The following ANKFY1 variants were observed in gnomAD, a reference collection of about 807,000 sequenced individuals.
ANKFY1 encodes ankyrin repeat and FYVE domain containing 1, also known as ankyrin repeat and FYVE domain-containing protein 1.
In ANKFY1, 47 loss-of-function variants were observed where a neutral mutation model predicts 128.3. The observed-to-expected ratio is 0.37, with a 90% CI of 0.29 to 0.47. The LOEUF (loss-of-function observed/expected upper bound fraction) is 0.47. Ranked by LOEUF, ANKFY1 falls within the 20% of genes least tolerant of loss-of-function variation. The pLI is 1.00. For synonymous variants in ANKFY1, 553 were observed against 601.6 expected (o/e 0.92, Z 1.18); for missense variants, 1,222 against 1,510.6 (o/e 0.81, Z 3.17).
intron 10 of ANKFY1, among the ~76,000 whole-genome samples, chr17:4,192,958 C>G (rs1030244120): frequency 6.6e-6 from 1 of 152,022 alleles, no homozygotes; most frequent in African/African-American, 2.4e-5. Context: ...AAAAAACAAT[C>G]CTGAGCCTGT....
At chr17:4,206,819 T>C (rs2060033016) in intron 6 of ANKFY1, among the ~76,000 whole-genome samples, 1 of 152,202 alleles carries the variant, frequency 6.6e-6, no homozygotes, top group Non-Finnish European at 1.5e-5. Flanking sequence ...GAACAGCTAA[T>C]GTTTTCATGA....
intron 12 of ANKFY1, 109 bp downstream of exon 12, chr17:4,184,709 A>C: frequency 8.1e-7 from 1 of 1,235,342 alleles, no homozygotes; most frequent in Non-Finnish European, 1.2e-6. Context: ...TGGGGGTAAG[A>C]AACTAGCCAT....
At position 4,165,954 on chromosome 17, in the gene ANKFY1, A is replaced by G. The variant is rs2059204044; in HGVS notation, c.*1825T>C. The G allele has an allele frequency of 6.6e-6, 1 of 152,214 alleles. No individual in the cohort carries two copies. Among genetic ancestry groups the G allele is most frequent in the African/African-American group, 2.4e-5 (1 of 41,452 alleles). The allele number at this position is 152,214 out of a possible 1,614,324, so 9.4% of individuals were successfully genotyped here. On this transcript the variant is annotated 3_prime_UTR_variant, in exon 25 of 25. Coordinates refer to ENST00000341657, the MANE Select transcript of ANKFY1 (RefSeq NM_001330063.2). ...TGCTTCCTTATGGCCCTTTCCAGGT[A>G]ATAGAAAATGGAAACTGACCACATG...
chr17:4,173,029 T>G (rs2059350418), intron 21 of ANKFY1, among the ~76,000 whole-genome samples: 1 of 152,220 alleles, frequency 6.6e-6, no homozygotes, highest in Admixed American at 6.5e-5. Flanking sequence ...GATAATTTTT[T>G]GTATTTTTAG....
chr17:4,200,831 A>G (rs549195582), intron 7 of ANKFY1, among the ~76,000 whole-genome samples: 1 of 152,266 alleles, frequency 6.6e-6, no homozygotes, highest in African/African-American at 2.4e-5. Context: ...TCTCTCTTCC[A>G]AAGTTTTCCT....
rs564141873 is a variant in ANKFY1, at chr17:4,200,751, G to A, written c.899-3174C>T. ...TGTGCTTTTGTCTTTGCATCAGGATGCTTCGGTTCCTAATTGTTAGAATTG... is the reference window on the plus strand; with the variant it reads ...TGTGCTTTTGTCTTTGCATCAGGATACTTCGGTTCCTAATTGTTAGAATTG... On this transcript the variant is annotated intron_variant, in intron 7 of 24. Transcript: ENST00000341657. Among the ~76,000 whole-genome samples the A allele has an allele frequency of 2.0e-5, 3 of 152,314 alleles. No individual in the cohort carries two copies. The South Asian group carries it at 6.2e-4, about 32-fold the overall frequency.
chr17:4,209,796 C>T, intron 5 of ANKFY1, 28 bp downstream of exon 5: 1 of 1,592,224 alleles, frequency 6.3e-7, no homozygotes, highest in Non-Finnish European at 8.6e-7. Flanking sequence ...AGCTAGAGTG[C>T]TTTGTTGACA....
At chr17:4,202,981 C>CACATATATATATATATATATATAT (rs56856304) in intron 7 of ANKFY1, among the ~76,000 whole-genome samples, 7 of 146,236 alleles carry the variant, frequency 4.8e-5, no homozygotes, top group African/African-American at 1.8e-4. Context: ...TAATCATACA[C>CACATATATATATATATATATATAT]ATATATATAT....
At chr17:4,208,875 G>A (rs142102431) in intron 5 of ANKFY1, among the ~76,000 whole-genome samples, 11 of 152,112 alleles carry the variant, frequency 7.2e-5, no homozygotes, top group East Asian at 5.8e-4. Flanking sequence ...CCTGACCAAC[G>A]TGGAGAAACC....
At chr17:4,248,324 A>G (rs1967665121) in intron 1 of ANKFY1, among the ~76,000 whole-genome samples, 1 of 152,164 alleles carries the variant, frequency 6.6e-6, no homozygotes, top group African/African-American at 2.4e-5. Flanking sequence ...CCTCCTGTGA[A>G]CCGCGCATGC....
chr17:4,194,967 A>G lies in ANKFY1; in HGVS notation c.1372+11T>C. On this transcript the variant is annotated intron_variant, in intron 10 of 24. Transcript: ENST00000341657. ...CCCCAGCGTCGCCCCTTCGGGAGGCACGTGCTTTACCTGTCGCCGTGTCAG... is the reference window on the plus strand; with the variant it reads ...CCCCAGCGTCGCCCCTTCGGGAGGCGCGTGCTTTACCTGTCGCCGTGTCAG... 6.2e-7 allele frequency: 1 copy of G among 1,614,174 alleles called. No individual in the cohort carries two copies. The highest frequency in any genetic ancestry group is 8.5e-7 in the Non-Finnish European group (1 of 1,180,028).
intron 8 of ANKFY1, among the ~76,000 whole-genome samples, chr17:4,196,209 T>C (rs1252990456): frequency 1.5e-5 from 2 of 133,120 alleles, no homozygotes; most frequent in African/African-American, 2.8e-5. Flanking sequence ...TTTATTGCCG[T>C]TGGAGGAAAA....
chr17:4,173,323 C>G (rs772250624), intron 21 of ANKFY1, 31 bp downstream of exon 21: 1 of 1,605,654 alleles, frequency 6.2e-7, no homozygotes, highest in Non-Finnish European at 8.5e-7. Flanking sequence ...GGCCAGGCGC[C>G]GCGGGGCCTA....
Position 4,221,000 on chromosome 17 carries a change from G to C in ANKFY1, c.323-3882C>G, listed in dbSNP as rs1246309869. Among the ~76,000 whole-genome samples the C allele has an allele frequency of 2.0e-5, 3 of 152,214 alleles. No homozygotes were observed. In the East Asian group the frequency reaches 5.8e-4, roughly 29 times the overall value. On this transcript the variant is annotated intron_variant, in intron 3 of 24. Transcript: ENST00000341657. ...AAATCTCTGACTTCAAGGATGAAAA[G>C]TAAAATAACACTGAAACTTCTGACT...
At chr17:4,211,157 T>A (rs8066654) in intron 4 of ANKFY1, among the ~76,000 whole-genome samples, 143,706 of 152,256 alleles carry the variant, frequency 0.94, 68,396 homozygotes, top group East Asian at 1. Context: ...TAATCCTAGC[T>A]CTTTCAGAAG....
intron 19 of ANKFY1, among the ~76,000 whole-genome samples, chr17:4,174,577 T>C (rs2059380095): frequency 6.6e-6 from 1 of 152,192 alleles, no homozygotes; most frequent in Non-Finnish European, 1.5e-5. Flanking sequence ...CACACAAGCA[T>C]GCAGGCACAG....
intron 3 of ANKFY1, among the ~76,000 whole-genome samples, chr17:4,231,226 T>C (rs1273153099): frequency 6.6e-6 from 1 of 152,194 alleles, no homozygotes; most frequent in Non-Finnish European, 1.5e-5. Flanking sequence ...CCAGGCAGAG[T>C]GGCTCATGCC....
chr17:4,259,523 C>A (rs1226762006), intron 1 of ANKFY1, among the ~76,000 whole-genome samples: 2 of 152,186 alleles, frequency 1.3e-5, no homozygotes, highest in African/African-American at 4.8e-5. Flanking sequence ...CTCAAGTGAT[C>A]CGCCCACCTT....
chr17:4,237,892 G>A (rs1439832748), intron 2 of ANKFY1, among the ~76,000 whole-genome samples: 2 of 152,078 alleles, frequency 1.3e-5, no homozygotes, highest in African/African-American at 2.4e-5. Flanking sequence ...AACTGGAGAG[G>A]AGGCAAAGAG....
Sources: allele counts gnomAD v4.1 joint callset (sites outside exome capture counted in the v4.1 genomes callset), GRCh38; gene constraint gnomAD v4.1.1; transcripts MANE v1.5; gene names NCBI Gene and HGNC (gene_info 2026-07-23, HGNC 2026-07-21).